Variants in AHNAK observed in about 807,000 individuals in gnomAD.
AHNAK encodes AHNAK nucleoprotein, also known as neuroblast differentiation-associated protein AHNAK.
AHNAK carries 23 observed loss-of-function variants against 37.8 expected under a neutral mutation model. The observed-to-expected ratio is 0.61, with a 90% CI of 0.44 to 0.86. The LOEUF is 0.86. Ranked by LOEUF, AHNAK falls within the 40% of genes least tolerant of loss-of-function variation. The probability of loss-of-function intolerance (pLI) is 0.00; values close to 1 mark genes in which losing one functional copy is unlikely to be tolerated. For synonymous variants in AHNAK, 2,481 were observed against 2,636.3 expected (o/e 0.94, Z 1.80); for missense variants, 7,411 against 7,319.4 (o/e 1.01, Z -0.46).
intron 5 of AHNAK, among the ~76,000 whole-genome samples, chr11:62,474,232 T>C (rs1220581084): frequency 6.6e-6 from 1 of 151,392 alleles, no homozygotes; most frequent in African/African-American, 2.4e-5. Flanking sequence ...TTGCCCAGGC[T>C]GGAGTGCAGT....
chr11:62,478,750 C>CAAA (rs11358273), intron 5 of AHNAK, among the ~76,000 whole-genome samples: 1 of 88,456 alleles, frequency 1.1e-5, no homozygotes, highest in African/African-American at 4.1e-5. Context: ...GACCCTGCCT[C>CAAA]AAAAAAAAAA....
In AHNAK at chr11:62,520,961, T is replaced by C. The variant is rs1273419280; in HGVS notation, c.13456A>G (p.Ser4486Gly). ...TCTACCTCTGGCCCTTTCAGATCAC[T>C]TTCCACCTTAGGTAGTGAAACATCC... is the stretch of plus-strand genomic sequence containing the variant. ...DVDVSLPKVE[S>G]DLKGPEVDIE... is the part of the protein sequence containing the mutation. The change falls in exon 5 of 5, where the codon AGT (serine) becomes GGT (glycine). Residue 4486 changes from serine to glycine, a missense_variant. Ser to Gly is a moderately conservative substitution (Grantham distance 56). Transcript: ENST00000378024. The C allele has an allele frequency of 2.5e-6, 4 of 1,614,022 alleles. No homozygotes were observed. Among genetic ancestry groups the C allele is most frequent in the African/African-American group, 1.3e-5 (1 of 74,990 alleles).
intron 5 of AHNAK, among the ~76,000 whole-genome samples, chr11:62,487,061 G>A (rs1358198429): frequency 2.6e-5 from 4 of 152,142 alleles, no homozygotes; most frequent in Non-Finnish European, 4.4e-5. Context: ...TGAGCTAAGG[G>A]GTTTGAAACA....
rs33929407 is a variant in AHNAK at position 62,479,167 on chromosome 11, C to CTTTTTTTTT, written c.442+12556_442+12564dup. On this transcript the variant is annotated intron_variant, in intron 5 of 5. Transcript: ENST00000257247. ...TTTCTTTTCTTTTTTTTTCTTTTTTCTTTTTTTTTTTTTTTTTGATACGGA... is the reference window on the plus strand; with the variant it reads ...TTTCTTTTCTTTTTTTTTCTTTTTTCTTTTTTTTTTTTTTTTTTTTTTTTTTGATACGGA... 2.1e-3 allele frequency among the ~76,000 whole-genome samples: 249 copies of CTTTTTTTTT among 116,158 alleles called. 1 individual carries two copies. The highest frequency in any genetic ancestry group is 2.9e-3 in the Non-Finnish European group (173 of 60,022). 76.2% of individuals were successfully genotyped at this position (116,158 alleles called of 152,430 possible).
intron 1 of AHNAK, among the ~76,000 whole-genome samples, chr11:62,543,634 C>T (rs1313699015): frequency 6.6e-6 from 1 of 152,216 alleles, no homozygotes; most frequent in African/African-American, 2.4e-5. Context: ...CCACGTGCCC[C>T]CCACACTCCC....
chr11:62,517,564 T>C lies in AHNAK; in HGVS notation c.16853A>G (p.His5618Arg). 1 of 1,614,152 alleles carries C rather than the reference T, an allele frequency of 6.2e-7. No individual in the cohort carries two copies. The highest frequency in any genetic ancestry group is 8.5e-7 in the Non-Finnish European group (1 of 1,180,036). The change falls in exon 5 of 5, where the codon CAT becomes CGT. Residue 5618 changes from histidine (H) to arginine (R), a missense_variant. By Grantham distance (29) the His-to-Arg change is conservative. Coordinates refer to ENST00000378024, the MANE Select transcript of AHNAK (RefSeq NM_001620.3). Reference sequence around the variant, plus strand: ...TCCTTCCACCTTTGGTCCTGAGAAATGAAGGCCCCCAGCAAACTTAGATGT... The same window carrying C: ...TCCTTCCACCTTTGGTCCTGAGAAACGAAGGCCCCCAGCAAACTTAGATGT... ...LDTSKFAGGL[H>R]FSGPKVEGGV...
chr11:62,433,991 G>GT (rs1162812681), intron 5 of AHNAK: 95 of 1,453,694 alleles, frequency 6.5e-5, no homozygotes, highest in Non-Finnish European at 8.2e-5. Context: ...CTGAAAGAAG[G>GT]TCCCCCCACT....
In AHNAK at chr11:62,525,053, C is replaced by A. The variant is rs1312829441; in HGVS notation, c.9364G>T (p.Val3122Phe). 1.9e-6 allele frequency: 3 copies of A among 1,613,896 alleles called. No individual in the cohort carries two copies. The highest frequency in any genetic ancestry group is 2.2e-5 in the South Asian group (2 of 91,066). Residue 3122 changes from valine (V) to phenylalanine (F), a missense_variant, in exon 5 of 5, where the codon GTT (valine) becomes TTT (phenylalanine). By Grantham distance (50) the Val-to-Phe change is conservative. Transcript: ENST00000378024. ...SLPKVEGDMK[V>F]PDVDIKGPKV... ...GGGCCTTTAATATCCACGTCAGGAACTTTCATGTCACCTTCCACTTTTGGC... is the reference window on the plus strand; with the variant it reads ...GGGCCTTTAATATCCACGTCAGGAAATTTCATGTCACCTTCCACTTTTGGC...
At chr11:62,487,669 GTCT>G (rs1202542076) in intron 5 of AHNAK, among the ~76,000 whole-genome samples, 12 of 152,316 alleles carry the variant, frequency 7.9e-5, no homozygotes, top group African/African-American at 2.4e-4. Flanking sequence ...GCACAGACTT[GTCT>G]TCAAGTCCAG....
intron 5 of AHNAK, among the ~76,000 whole-genome samples, chr11:62,442,089 C>T (rs1938318358): frequency 6.6e-6 from 1 of 152,150 alleles, no homozygotes; most frequent in Admixed American, 6.6e-5. Flanking sequence ...AGACCTTATA[C>T]AAAGCAATGG....
In AHNAK at chr11:62,533,923, G is replaced by A; in HGVS notation, c.494C>T (p.Thr165Ile). 2 of 1,614,158 alleles carry A rather than the reference G, an allele frequency of 1.2e-6. No individual in the cohort carries two copies. Among genetic ancestry groups the A allele is most frequent in the Non-Finnish European group, 1.7e-6 (2 of 1,180,022 alleles). Residue 165 changes from threonine to isoleucine, a missense_variant, in exon 5 of 5, where the codon ACT becomes ATT. Thr to Ile is a moderately conservative substitution (Grantham distance 89). Coordinates refer to ENST00000378024, the MANE Select transcript of AHNAK (RefSeq NM_001620.3). ...TATGTCCTTGGCTCCTTCCCGGCCA[G>A]TCACATCCACAGTGTAGGCCGTGAC... ...RRVTAYTVDV[T>I]GREGAKDIDI...
At chr11:62,456,985 G>A (rs1408897462) in intron 5 of AHNAK, among the ~76,000 whole-genome samples, 6 of 152,122 alleles carry the variant, frequency 3.9e-5, no homozygotes, top group African/African-American at 1.2e-4. Flanking sequence ...AAGGACTCTA[G>A]CTCATTGATT....
chr11:62,522,475 T>A lies in AHNAK; in HGVS notation c.11942A>T (p.Asp3981Val). 4 of 1,613,676 alleles carry A rather than the reference T, an allele frequency of 2.5e-6. No homozygotes were observed. The highest frequency in any genetic ancestry group is 3.4e-6 in the Non-Finnish European group (4 of 1,179,944). Residue 3981 changes from aspartate (D) to valine (V), a missense_variant, in exon 5 of 5, where the codon GAT becomes GTT. Coordinates refer to ENST00000378024, the MANE Select transcript of AHNAK (RefSeq NM_001620.3). ...DVPDVNIEGP[D>V]AKLKGPKFKM... is the part of the protein sequence containing the mutation. ...GAATTTAGGGCCCTTCAGTTTCGCATCTGGACCTTCAATATTCACATCTGG... is the reference window on the plus strand; with the variant it reads ...GAATTTAGGGCCCTTCAGTTTCGCAACTGGACCTTCAATATTCACATCTGG...
intron 4 of AHNAK, among the ~76,000 whole-genome samples, chr11:62,492,307 G>A (rs1270804748): frequency 1.3e-5 from 2 of 152,174 alleles, no homozygotes; most frequent in African/African-American, 4.8e-5. Flanking sequence ...TGCGGGGCAG[G>A]GGTTCCGATC....
rs760627717 is a variant in AHNAK, at chr11:62,521,408, C to G, written c.13009G>C (p.Asp4337His). The G allele has an allele frequency of 1.9e-6, 3 of 1,613,994 alleles. No individual in the cohort carries two copies. Among genetic ancestry groups the G allele is most frequent in the Non-Finnish European group, 2.5e-6 (3 of 1,180,022 alleles). Residue 4337 changes from aspartate (D) to histidine (H), a missense_variant, in exon 5 of 5, where the codon GAT becomes CAT. By Grantham distance (81) the Asp-to-His change is moderately conservative. Coordinates refer to ENST00000378024, the MANE Select transcript of AHNAK (RefSeq NM_001620.3). ...ATGTCAGCCTTAGGAAGGGTAACAT[C>G]CACATCTGGGCCCTCTCCTTTGAAT... ...PGFKGEGPDV[D>H]VTLPKADIEI...
Position 62,522,031 on chromosome 11 carries a change from A to G in AHNAK, c.12386T>C (p.Ile4129Thr), listed in dbSNP as rs1335544762. ...MPDLHLKAPK[I>T]SMPEVDLNLK... is the part of the protein sequence containing the mutation. ...ATTCAGGTCAACTTCAGGCATAGAG[A>G]TCTTCGGTGCCTTGAGGTGCAGGTC... The change falls in exon 5 of 5, where the codon ATC becomes ACC. Residue 4129 changes from isoleucine to threonine, a missense_variant. By Grantham distance (89) the Ile-to-Thr change is moderately conservative (BLOSUM62 -1). Coordinates refer to ENST00000378024, the MANE Select transcript of AHNAK (RefSeq NM_001620.3). The G allele has an allele frequency of 3.1e-6, 5 of 1,613,960 alleles. No individual in the cohort carries two copies. Among genetic ancestry groups the G allele is most frequent in the Non-Finnish European group, 4.2e-6 (5 of 1,180,000 alleles).
At chr11:62,481,991 A>G (rs1453830909) in intron 5 of AHNAK, among the ~76,000 whole-genome samples, 2 of 152,026 alleles carry the variant, frequency 1.3e-5, no homozygotes, top group African/African-American at 4.8e-5. Context: ...GTGTCGGGTG[A>G]GGTCAGTCTC....
In AHNAK at chr11:62,528,664, T is replaced by C. The variant is rs1236882400; in HGVS notation, c.5753A>G (p.Lys1918Arg). 6.2e-7 allele frequency: 1 copy of C among 1,611,946 alleles called. No homozygotes were observed. ...ATCAGGCATGGAGATCTTGGGGGCC[T>C]TGAAGTGCATGTCTGGCATCTTAAA... ...PKFKMPDMHF[K>R]APKISMPDVD... Residue 1918 changes from lysine (K) to arginine (R), a missense_variant, in exon 5 of 5, where the codon AAG becomes AGG. Transcript: ENST00000378024.
At chr11:62,505,339 C>T (rs1422691364) in intron 4 of AHNAK, among the ~76,000 whole-genome samples, 2 of 152,126 alleles carry the variant, frequency 1.3e-5, no homozygotes, top group Admixed American at 1.3e-4. Flanking sequence ...TATGGCCTGG[C>T]GATTGACAGT....
Sources: gnomAD v4.1 joint callset for allele counts (sites outside exome capture counted in the v4.1 genomes callset) on GRCh38, gnomAD v4.1.1 for gene constraint, MANE v1.5 for transcripts, NCBI Gene and HGNC (gene_info 2026-07-23, HGNC 2026-07-21) for gene names.